Variants in NOS1 observed in about 807,000 individuals in gnomAD.
NOS1 encodes the protein nitric oxide synthase 1.
Under a neutral mutation model 164.5 loss-of-function variants are expected in NOS1, and 51 were observed. The ratio of observed to expected loss-of-function variants is 0.31; its 90% CI spans 0.25 to 0.39. The LOEUF is 0.39. Among genes scored for constraint, NOS1 ranks in the 10% least tolerant of loss-of-function variants. NOS1 has a pLI of 1.00. For synonymous variants in NOS1, 719 were observed against 745.8 expected (o/e 0.96, Z 0.59); for missense variants, 1,362 against 1,885.6 (o/e 0.72, Z 5.14).
chr12:117,230,878 G>A (rs967391676), intron 22 of NOS1, among the ~76,000 whole-genome samples: 12 of 152,158 alleles, frequency 7.9e-5, no homozygotes, highest in Non-Finnish European at 1.2e-4. Flanking sequence ...AATTTTGCAC[G>A]TTCTCATTCA....
chr12:117,340,712 T>G (rs1876060199), intron 1 of NOS1, among the ~76,000 whole-genome samples: 1 of 151,442 alleles, frequency 6.6e-6, no homozygotes, highest in South Asian at 2.1e-4. Flanking sequence ...GTATTTTAAT[T>G]TTTAAATTTC....
intron 3 of NOS1, among the ~76,000 whole-genome samples, chr12:117,302,594 C>CA (rs144113071): frequency 0.038 from 2,753 of 72,386 alleles, 97 homozygotes; most frequent in African/African-American, 0.11. Context: ...GACTCCGTCT[C>CA]AAAAAAAAAA....
intron 3 of NOS1, among the ~76,000 whole-genome samples, chr12:117,306,369 T>C (rs1345013730): frequency 6.6e-6 from 1 of 151,770 alleles, no homozygotes; most frequent in Non-Finnish European, 1.5e-5. Context: ...TGTCCTTTCA[T>C]TGTCACATCC....
chr12:117,290,227 C>T, intron 4 of NOS1, 71 bp downstream of exon 4: 1 of 1,575,252 alleles, frequency 6.3e-7, no homozygotes, highest in South Asian at 1.2e-5. Context: ...ACAACAAAGA[C>T]TTATCCGACT....
intron 18 of NOS1, among the ~76,000 whole-genome samples, chr12:117,244,910 A>T (rs1429723733): frequency 6.6e-6 from 1 of 152,206 alleles, no homozygotes; most frequent in Middle Eastern, 3.2e-3. Flanking sequence ...GGATGGGAGG[A>T]CAGGAGGTTG....
intron 3 of NOS1, among the ~76,000 whole-genome samples, chr12:117,301,024 A>G (rs1356135066): frequency 6.6e-6 from 1 of 152,148 alleles, no homozygotes; most frequent in Non-Finnish European, 1.5e-5. Flanking sequence ...GTGTATTTCC[A>G]TCTGTAGTTT....
At chr12:117,280,902 CGGGACTTGCGCTGT>C (rs1873594355) in intron 7 of NOS1, 36 bp from the exon 8 acceptor site, 1 of 1,606,664 alleles carries the variant, frequency 6.2e-7, no homozygotes, top group Non-Finnish European at 8.5e-7. Flanking sequence ...GGCATCAGGG[CGGGACTTGCGCTGT>C]GGGAACATAC....
At position 117,209,683 on chromosome 12, in the gene NOS1, A is replaced by T. The variant is rs1033942677; in HGVS notation, c.*5626T>A. On this transcript the variant is annotated 3_prime_UTR_variant, in exon 29 of 29. Transcript: ENST00000317775. ...TCCCTCGCACATGGCTTTGATAAGT[A>T]TTAATAGGAAACAGACTCTCGACAG... The T allele has an allele frequency of 2.0e-6, 2 of 985,404 alleles. No homozygotes were observed. The highest frequency in any genetic ancestry group is 2.4e-6 in the Non-Finnish European group (2 of 829,974). 61.0% of individuals were successfully genotyped at this position (985,404 alleles called of 1,614,324 possible). A position where few individuals can be genotyped will look rare whatever the true frequency, so the allele number is the denominator to read the frequency against.
intron 14 of NOS1, among the ~76,000 whole-genome samples, 174 bp from the exon 15 acceptor site, chr12:117,259,304 T>C (rs1871702560): frequency 6.6e-6 from 1 of 152,204 alleles, no homozygotes; most frequent in Non-Finnish European, 1.5e-5. Context: ...GAGGTGTTAG[T>C]ACTTCAGTGG....
intron 2 of NOS1, among the ~76,000 whole-genome samples, chr12:117,313,487 G>A (rs1045816619): frequency 3.9e-5 from 6 of 152,052 alleles, no homozygotes; most frequent in Admixed American, 2.6e-4. Flanking sequence ...GTAGAGACAG[G>A]GTCTCACTGT....
At chr12:117,328,389 G>C (rs953136272) in intron 2 of NOS1, among the ~76,000 whole-genome samples, 1 of 152,032 alleles carries the variant, frequency 6.6e-6, no homozygotes, top group Non-Finnish European at 1.5e-5. Flanking sequence ...GGTTGGTTTC[G>C]AACTCCTGAC....
intron 1 of NOS1, among the ~76,000 whole-genome samples, chr12:117,358,876 C>CTG (rs1876983101): frequency 6.6e-6 from 1 of 152,234 alleles, no homozygotes; most frequent in Non-Finnish European, 1.5e-5. Flanking sequence ...GGAAATACAG[C>CTG]TGTGTGTGCT....
In NOS1 at chr12:117,226,340, C is replaced by T. The variant is rs9658503; in HGVS notation, c.3704+343G>A. 9.3e-3 allele frequency among the ~76,000 whole-genome samples: 1,408 copies of T among 152,190 alleles called. 23 individuals are homozygous for T. Among genetic ancestry groups the T allele is most frequent in the African/African-American group, 0.032 (1,326 of 41,532 alleles). ...CTAGGAAACTGGGACTGATTGGGAG[C>T]GAGCAGTAGAATTTGGCTAGAATTT... On this transcript the variant is annotated intron_variant, in intron 24 of 28. Coordinates refer to ENST00000317775, the MANE Select transcript of NOS1 (RefSeq NM_000620.5).
chr12:117,349,204 G>T (rs989585057), intron 1 of NOS1, among the ~76,000 whole-genome samples: 1 of 152,248 alleles, frequency 6.6e-6, no homozygotes, highest in African/African-American at 2.4e-5. Context: ...GCATATAAAT[G>T]AAATCCTACA....
At chr12:117,347,388 A>G (rs1415833108) in intron 1 of NOS1, among the ~76,000 whole-genome samples, 1 of 152,086 alleles carries the variant, frequency 6.6e-6, no homozygotes, top group Non-Finnish European at 1.5e-5. Context: ...GCCATGGAAG[A>G]TATGTTTACA....
At chr12:117,233,806 C>A (rs966949539) in intron 21 of NOS1, among the ~76,000 whole-genome samples, 3 of 106,158 alleles carry the variant, frequency 2.8e-5, no homozygotes, top group East Asian at 2.6e-4. Flanking sequence ...AAAAGTCTGT[C>A]TCAAAAAAAA....
At chr12:117,347,864 C>T (rs372825680) in intron 1 of NOS1, among the ~76,000 whole-genome samples, 74 of 152,254 alleles carry the variant, frequency 4.9e-4, no homozygotes, top group African/African-American at 1.3e-3. Flanking sequence ...TGGGTGTGCA[C>T]CAAAGCCCTT....
intron 22 of NOS1, among the ~76,000 whole-genome samples, chr12:117,230,386 A>C (rs528771540): frequency 1.3e-5 from 2 of 152,348 alleles, no homozygotes; most frequent in South Asian, 4.1e-4. Context: ...GATTAAAAAT[A>C]ATGGTCTCCT....
intron 8 of NOS1, 85 bp from the exon 9 acceptor site, chr12:117,278,183 A>G (rs1412518046): frequency 7.0e-7 from 1 of 1,427,482 alleles, no homozygotes; most frequent in African/African-American, 1.4e-5. Context: ...GGTGGGGTGG[A>G]TAGAGATCCA....
Sources: gnomAD v4.1 joint callset for allele counts (sites outside exome capture counted in the v4.1 genomes callset) on GRCh38, gnomAD v4.1.1 for gene constraint, MANE v1.5 for transcripts, NCBI Gene and HGNC (gene_info 2026-07-23, HGNC 2026-07-21) for gene names.